Variants in ITGB1 observed in about 807,000 individuals in gnomAD.
The protein encoded by ITGB1 is integrin beta-1.
In ITGB1, 24 loss-of-function variants were observed where a neutral mutation model predicts 86.5. The ratio of observed to expected loss-of-function variants is 0.28; its 90% confidence interval spans 0.20 to 0.39. The LOEUF (loss-of-function observed/expected upper bound fraction) is 0.39, where lower values mean the gene tolerates loss of function less well. Ranked by LOEUF, ITGB1 falls within the 10% of genes least tolerant of loss-of-function variation. The pLI is 1.00. For synonymous variants in ITGB1, 323 were observed against 316.8 expected (o/e 1.02, Z -0.21); for missense variants, 556 against 946.9 (o/e 0.59, Z 5.42).
At chr10:32,952,287 C>A (rs2095044126) in intron 1 of ITGB1, among the ~76,000 whole-genome samples, 1 of 152,060 alleles carries the variant, frequency 6.6e-6, no homozygotes, top group African/African-American at 2.4e-5. Flanking sequence ...TAATCATGGC[C>A]TTCTAAAACA....
intron 11 of ITGB1, 36 bp downstream of exon 11, chr10:32,919,849 T>TCTACATTG (rs759740155): frequency 1.3e-6 from 2 of 1,580,554 alleles, no homozygotes; most frequent in Admixed American, 3.3e-5. Flanking sequence ...TCTAAACCAA[T>TCTACATTG]GTAGCTCTGT....
intron 1 of ITGB1, among the ~76,000 whole-genome samples, chr10:32,939,755 AGT>A: frequency 1.3e-5 from 2 of 151,044 alleles, no homozygotes; most frequent in South Asian, 2.1e-4. Context: ...TGAGTGAGTG[AGT>A]GAGTGAGTGA....
In ITGB1 at chr10:32,901,251, T is replaced by C. The variant is rs201101183; in HGVS notation, c.*319A>G. The C allele has an allele frequency of 3.1e-5, 7 of 225,298 alleles. No individual in the cohort carries two copies. Among genetic ancestry groups the C allele is most frequent in the Non-Finnish European group, 5.8e-5 (7 of 120,104 alleles). 14.0% of individuals were successfully genotyped at this position (225,298 alleles called of 1,614,324 possible). A position where few individuals can be genotyped will look rare whatever the true frequency, so the allele number is the denominator to read the frequency against. On this transcript the variant is annotated 3_prime_UTR_variant, in exon 16 of 16. Coordinates refer to ENST00000302278, the MANE Select transcript of ITGB1 (RefSeq NM_002211.4). ...CTCATCATGCTCATTACTTTAACTA[T>C]TGCCCTTTCAATCGCTATAGAAATA...
chr10:32,942,256 CAA>C (rs2095020058), intron 1 of ITGB1, among the ~76,000 whole-genome samples: 1 of 152,058 alleles, frequency 6.6e-6, no homozygotes, highest in Non-Finnish European at 1.5e-5. Context: ...GGTGAGAAAG[CAA>C]AGAGAGTTCA....
intron 3 of ITGB1, 75 bp from the exon 4 acceptor site, chr10:32,930,119 A>G: frequency 2.7e-6 from 2 of 738,306 alleles, no homozygotes; most frequent in Admixed American, 2.3e-5. Flanking sequence ...ATTGCAAATA[A>G]GCAATTAAAT....
chr10:32,908,686 T>C, intron 14 of ITGB1, 152 bp from the exon 15 acceptor site: 1 of 537,670 alleles, frequency 1.9e-6, no homozygotes, highest in Non-Finnish European at 3.2e-6. Context: ...GTTTACAAGG[T>C]TGCAGGATAC....
intron 3 of ITGB1, among the ~76,000 whole-genome samples, 155 bp from the exon 4 acceptor site, chr10:32,930,199 A>T (rs2094978853): frequency 6.6e-6 from 1 of 152,170 alleles, no homozygotes; most frequent in Admixed American, 6.5e-5. Flanking sequence ...CTTCATCCAA[A>T]CTGTGGTAAG....
chr10:32,922,536 G>T, intron 8 of ITGB1, 104 bp downstream of exon 8: 3 of 802,798 alleles, frequency 3.7e-6, no homozygotes, highest in Non-Finnish European at 6.0e-6. Flanking sequence ...GTAAAATTCG[G>T]TTTGCCTATC....
intron 1 of ITGB1, among the ~76,000 whole-genome samples, chr10:32,939,461 C>A (rs552159300): frequency 6.6e-6 from 1 of 152,162 alleles, no homozygotes; most frequent in Non-Finnish European, 1.5e-5. Context: ...TTACACAAAC[C>A]GAGATGGTGT....
At position 32,925,865 on chromosome 10, in the gene ITGB1, G is replaced by A. The variant is rs200818046; in HGVS notation, c.786+6C>T. 32 of 1,523,858 alleles carry A rather than the reference G, an allele frequency of 2.1e-5. No homozygotes were observed. Among genetic ancestry groups the A allele is most frequent in the East Asian group, 9.0e-5 (4 of 44,420 alleles). 94.4% of individuals were successfully genotyped at this position (1,523,858 alleles called of 1,614,324 possible). ...ATATCCCCTGATAGGAAATGAATGC[G>A]CTTACTCCACAAACTGCAACTTGCA... is the stretch of plus-strand genomic sequence containing the variant. On this transcript the variant is annotated splice_donor_region_variant and intron_variant, in intron 6 of 15. Coordinates refer to ENST00000302278, the MANE Select transcript of ITGB1 (RefSeq NM_002211.4).
intron 1 of ITGB1, among the ~76,000 whole-genome samples, chr10:32,952,747 CCTTT>C (rs1471832533): frequency 6.6e-6 from 1 of 152,088 alleles, no homozygotes; most frequent in African/African-American, 2.4e-5. Context: ...TTTTCTTCTT[CCTTT>C]CTGTCTTTAT....
intron 15 of ITGB1, among the ~76,000 whole-genome samples, chr10:32,904,113 A>G (rs1011075664): frequency 6.6e-6 from 1 of 152,176 alleles, no homozygotes; most frequent in African/African-American, 2.4e-5. Context: ...GTCTTGTCGT[A>G]TACACAAACA....
chr10:32,947,547 C>T (rs2095034271), intron 1 of ITGB1, among the ~76,000 whole-genome samples: 1 of 151,588 alleles, frequency 6.6e-6, no homozygotes, highest in South Asian at 2.1e-4. Flanking sequence ...ATATGTAGCT[C>T]TTATACATCT....
chr10:32,918,439 A>C (rs977269077), intron 11 of ITGB1, among the ~76,000 whole-genome samples: 1 of 152,156 alleles, frequency 6.6e-6, no homozygotes, highest in Admixed American at 6.6e-5. Flanking sequence ...AAATCTCTTC[A>C]AGCTCCTAAT....
At chr10:32,945,594 G>T (rs2095029653) in intron 1 of ITGB1, among the ~76,000 whole-genome samples, 2 of 147,994 alleles carry the variant, frequency 1.4e-5, no homozygotes, top group Admixed American at 6.6e-5. Flanking sequence ...CCGAGACTCT[G>T]TCTCAAAAAA....
In ITGB1 at chr10:32,929,986, T is replaced by C. The variant is rs41276074; in HGVS notation, c.212A>G (p.Lys71Arg). 2 of 1,087,720 alleles carry C rather than the reference T, an allele frequency of 1.8e-6. No homozygotes were observed. The highest frequency in any genetic ancestry group is 4.7e-5 in the East Asian group (2 of 42,636). The allele number at this position is 1,087,720 out of a possible 1,614,324, so 67.4% of individuals were successfully genotyped here. ...SARCDDLEAL[K>R]KKGCPPDDIE... is the part of the protein sequence containing the mutation. ...GTCATCTGGAGGGCAACCCTTCTTT[T>C]TTAAGGCTTCTAAATCATCACATCG... Residue 71 changes from lysine to arginine, a missense_variant, in exon 4 of 16, where the codon AAA becomes AGA. By Grantham distance (26) the Lys-to-Arg change is conservative. Coordinates refer to ENST00000302278, the MANE Select transcript of ITGB1 (RefSeq NM_002211.4).
chr10:32,926,009 T>G lies in ITGB1; in HGVS notation c.648A>C (p.Pro216=). 6.2e-7 allele frequency: 1 copy of G among 1,614,148 alleles called. No homozygotes were observed. Among genetic ancestry groups the G allele is most frequent in the East Asian group, 2.2e-5 (1 of 44,882 alleles). The change falls in exon 6 of 16, where the codon CCA becomes CCC. Residue 216 remains proline, a synonymous_variant. Transcript: ENST00000302278. ...GACTGAGCACATTTTTGTAGCTAAA[T>G]GGGCTGGTGCAGTTCTGTTCACTTG... ...PCTSEQNCTS[P]FSYKNVLSLT... is the part of the protein sequence containing the mutation.
At chr10:32,956,567 G>A (rs908061667) in intron 1 of ITGB1, among the ~76,000 whole-genome samples, 5 of 152,010 alleles carry the variant, frequency 3.3e-5, no homozygotes, top group South Asian at 2.1e-4. Context: ...AATTAGCCGG[G>A]CACGGTGGCA....
chr10:32,936,869 T>C (rs2095003668), intron 1 of ITGB1, among the ~76,000 whole-genome samples: 1 of 152,128 alleles, frequency 6.6e-6, no homozygotes, highest in Admixed American at 6.5e-5. Context: ...AAAGTTTAGG[T>C]TTAATCGTTA....
Sources: gnomAD v4.1 joint callset for allele counts (sites outside exome capture counted in the v4.1 genomes callset) on GRCh38, gnomAD v4.1.1 for gene constraint, MANE v1.5 for transcripts, NCBI Gene and HGNC (gene_info 2026-07-23, HGNC 2026-07-21) for gene names.